The following ZNF680 variants were observed in gnomAD, a reference collection of about 807,000 sequenced individuals.
ZNF680 encodes hypothetical protein FLJ90430.
ZNF680 carries 6 observed loss-of-function variants against 12.1 expected under a neutral mutation model. The ratio of observed to expected loss-of-function variants is 0.49; its 90% CI spans 0.27 to 0.98. The LOEUF (loss-of-function observed/expected upper bound fraction) is 0.98, where lower values mean the gene tolerates loss of function less well. Among genes scored for constraint, ZNF680 ranks in the 50% least tolerant of loss-of-function variants. The pLI is 0.12. For missense variants in ZNF680, 561 were observed against 616.3 expected (o/e 0.91, Z 0.95); for synonymous variants, 170 against 199.3 (o/e 0.85, Z 1.24).
intron 1 of ZNF680, among the ~76,000 whole-genome samples, chr7:64,560,785 C>T (rs1404639803): frequency 6.7e-6 from 1 of 149,468 alleles, no homozygotes; most frequent in Non-Finnish European, 1.5e-5. Flanking sequence ...GCACTCCAGC[C>T]TGGGTGACAG....
intron 3 of ZNF680, among the ~76,000 whole-genome samples, chr7:64,530,646 A>G (rs1311322118): frequency 6.6e-6 from 1 of 151,950 alleles, no homozygotes; most frequent in Non-Finnish European, 1.5e-5. Flanking sequence ...GGATCACAAG[A>G]TCAGGAGTTC....
chr7:64,544,014 G>A, intron 2 of ZNF680: 1 of 594,172 alleles, frequency 1.7e-6, no homozygotes, highest in South Asian at 2.3e-5. Context: ...AAAAATTGGT[G>A]GGGGCAATTA....
rs778524908 is a variant in ZNF680 at position 64,544,443 on chromosome 7, C to CACACAG, written c.31-12_31-11insCTGTGT. The CACACAG allele has an allele frequency of 5.7e-4, 216 of 376,356 alleles. No homozygotes were observed. Among genetic ancestry groups the CACACAG allele is most frequent in the Non-Finnish European group, 8.5e-4 (201 of 235,220 alleles). The allele number at this position is 376,356 out of a possible 1,614,324, so 23.3% of individuals were successfully genotyped here. ...AAATGTCAGTGGTCCCTGAAAAACA[C>CACACAG]ACACACACACACACACACACACACA... On this transcript the variant is annotated splice_polypyrimidine_tract_variant and intron_variant, in intron 1 of 3. Coordinates refer to ENST00000309683, the MANE Select transcript of ZNF680 (RefSeq NM_178558.5).
intron 1 of ZNF680, among the ~76,000 whole-genome samples, chr7:64,554,470 C>G (rs891116086): frequency 6.6e-6 from 1 of 152,116 alleles, no homozygotes; most frequent in Admixed American, 6.5e-5. Context: ...CGCCTCTGAC[C>G]GGCTGCCCCG....
At chr7:64,562,811 C>T (rs1289397506) in intron 1 of ZNF680, 114 bp downstream of exon 1, 1 of 1,255,442 alleles carries the variant, frequency 8.0e-7, no homozygotes, top group South Asian at 1.2e-5. Flanking sequence ...AAGGACAACT[C>T]GGGCCGCGGA....
At chr7:64,561,667 G>A (rs965389494) in intron 1 of ZNF680, among the ~76,000 whole-genome samples, 1 of 152,164 alleles carries the variant, frequency 6.6e-6, no homozygotes, top group Admixed American at 6.5e-5. Flanking sequence ...GGGCGCGGTG[G>A]CTGACGCCTG....
chr7:64,503,495 C>T, the ZNF680 span, among the ~76,000 whole-genome samples: 1 of 150,982 alleles, frequency 6.6e-6, no homozygotes, highest in African/African-American at 2.4e-5. Context: ...ATTCTCCTGC[C>T]TCAGCCTCCT....
intron 3 of ZNF680, among the ~76,000 whole-genome samples, chr7:64,537,561 T>C (rs1251980145): frequency 1.3e-5 from 2 of 152,034 alleles, no homozygotes; most frequent in South Asian, 2.1e-4. Flanking sequence ...TACTTCCTGA[T>C]TGAAAAACAT....
Position 64,522,780 on chromosome 7 carries a change from T to C in ZNF680, c.254-280A>G, listed in dbSNP as rs904211851. Among the ~76,000 whole-genome samples, 8 of 152,112 alleles carry C rather than the reference T, an allele frequency of 5.3e-5. No homozygotes were observed. In the East Asian group the frequency reaches 1.2e-3, roughly 22 times the overall value. On this transcript the variant is annotated intron_variant, in intron 3 of 3. Coordinates refer to ENST00000309683, the MANE Select transcript of ZNF680 (RefSeq NM_178558.5). ...TGTGAGTTGCAGTATAAAAATGATA[T>C]GTCATTTACAAGCATAGTCTTTTTA...
intron 1 of ZNF680, among the ~76,000 whole-genome samples, chr7:64,554,750 G>A (rs931812551): frequency 6.6e-6 from 1 of 152,038 alleles, no homozygotes; most frequent in Non-Finnish European, 1.5e-5. Flanking sequence ...GATTAAGGGC[G>A]GTGCAAGATG....
chr7:64,559,879 A>C (rs1209705604), intron 1 of ZNF680, among the ~76,000 whole-genome samples: 1 of 152,196 alleles, frequency 6.6e-6, no homozygotes, highest in Non-Finnish European at 1.5e-5. Context: ...TATTATTTCC[A>C]TTAAAAATTA....
chr7:64,551,755 A>G (rs1427511052), intron 1 of ZNF680: 1 of 154,062 alleles, frequency 6.5e-6, no homozygotes, highest in East Asian at 1.9e-4. Flanking sequence ...AGCATTGGAG[A>G]GAAAAACAGC....
Position 64,543,812 on chromosome 7 carries a change from T to G in ZNF680, c.158-10A>C, listed in dbSNP as rs1786635218. 6.2e-7 allele frequency: 1 copy of G among 1,607,518 alleles called. No individual in the cohort carries two copies. Among genetic ancestry groups the G allele is most frequent in the African/African-American group, 1.3e-5 (1 of 74,868 alleles). ...TTAGAGACAGCAATACCTGTTTTAT[T>G]AAAAATAAATAACATGAATCTTGCT... is the stretch of plus-strand genomic sequence containing the variant. On this transcript the variant is annotated splice_polypyrimidine_tract_variant and intron_variant, in intron 2 of 3. Transcript: ENST00000309683.
intron 1 of ZNF680, among the ~76,000 whole-genome samples, chr7:64,554,984 T>A (rs1787329309): frequency 6.6e-6 from 1 of 151,598 alleles, no homozygotes; most frequent in Non-Finnish European, 1.5e-5. Flanking sequence ...GAATGATCAA[T>A]AAATACTAAA....
At chr7:64,543,506 G>A (rs1440560664) in intron 3 of ZNF680, among the ~76,000 whole-genome samples, 2 of 152,206 alleles carry the variant, frequency 1.3e-5, no homozygotes, top group Non-Finnish European at 2.9e-5. Context: ...GATCACTGAT[G>A]GGAAAGTAGA....
intron 3 of ZNF680, among the ~76,000 whole-genome samples, chr7:64,540,968 CAAGA>C (rs1304624231): frequency 1.6e-4 from 24 of 151,788 alleles, no homozygotes; most frequent in Admixed American, 1.2e-3. Flanking sequence ...CAAAAATTTA[CAAGA>C]AATTAGTATT....
rs547942831 is a variant in ZNF680 at position 64,561,965 on chromosome 7, T to TG, written c.30+959dup. 6.5e-3 allele frequency among the ~76,000 whole-genome samples: 938 copies of TG among 145,252 alleles called. 21 individuals carry two copies. The highest frequency in any genetic ancestry group is 0.02 in the African/African-American group (788 of 39,290). ...AAAAAAAAATTTACATTAGGCACAGTGGCTCACGCCTGTAATCCCAGCACT... is the reference window on the plus strand; with the variant it reads ...AAAAAAAAATTTACATTAGGCACAGTGGGCTCACGCCTGTAATCCCAGCACT... On this transcript the variant is annotated intron_variant, in intron 1 of 3. Transcript: ENST00000309683.
intron 3 of ZNF680, among the ~76,000 whole-genome samples, chr7:64,536,817 C>A (rs1490575928): frequency 6.6e-6 from 1 of 152,118 alleles, no homozygotes; most frequent in Admixed American, 6.5e-5. Context: ...GCCTATAATT[C>A]CAACACTTTG....
At chr7:64,555,120 G>A (rs1219577368) in intron 1 of ZNF680, among the ~76,000 whole-genome samples, 4 of 152,096 alleles carry the variant, frequency 2.6e-5, no homozygotes, top group Non-Finnish European at 1.5e-5. Flanking sequence ...TAGATTATTA[G>A]GGCAGAAAAT....
Sources: allele counts gnomAD v4.1 joint callset (sites outside exome capture counted in the v4.1 genomes callset), GRCh38; gene constraint gnomAD v4.1.1; transcripts MANE v1.5; gene names NCBI Gene and HGNC (gene_info 2026-07-23, HGNC 2026-07-21).